The following RIC3 variants were observed in gnomAD, a reference collection of about 807,000 sequenced individuals.
RIC3 encodes RIC3 acetylcholine receptor chaperone.
A neutral mutation model predicts 27.3 loss-of-function variants in RIC3; 28 were observed. That is an observed-to-expected ratio of 1.02 (90% CI 0.76 to 1.41). RIC3 has a LOEUF of 1.41. RIC3 is among the 40% of genes most tolerant of loss of function. The pLI is 0.00. For missense variants in RIC3, 501 were observed against 444.7 expected (o/e 1.13, Z -1.14); for synonymous variants, 184 against 160.4 (o/e 1.15, Z -1.11).
At chr11:8,093,155 C>A in the RIC3 span, among the ~76,000 whole-genome samples, 1 of 151,994 alleles carries the variant, frequency 6.6e-6, no homozygotes, top group Admixed American at 6.5e-5. Flanking sequence ...GATGACAACA[C>A]CTGCTCTGAC....
At chr11:8,124,288 C>A (rs1264951972) in intron 5 of RIC3, among the ~76,000 whole-genome samples, 3 of 152,070 alleles carry the variant, frequency 2.0e-5, no homozygotes, top group African/African-American at 7.2e-5. Flanking sequence ...GAAATCAAAA[C>A]CAAAGAAATT....
chr11:8,163,044 C>T (rs1477602098), intron 1 of RIC3, among the ~76,000 whole-genome samples: 3 of 139,712 alleles, frequency 2.1e-5, no homozygotes, highest in Admixed American at 7.1e-5. Context: ...CACACACACA[C>T]ACACACATAC....
chr11:8,094,201 T>C, the RIC3 span: 7 of 1,606,638 alleles, frequency 4.4e-6, 1 homozygote, highest in South Asian at 7.8e-5. Context: ...TCAGCTCACA[T>C]TCTCTACAGC....
intron 5 of RIC3, among the ~76,000 whole-genome samples, chr11:8,119,683 A>T (rs1286852904): frequency 6.6e-6 from 1 of 152,224 alleles, no homozygotes; most frequent in East Asian, 1.9e-4. Context: ...ACAAAAGCCA[A>T]AACAGACAAA....
intron 4 of RIC3, among the ~76,000 whole-genome samples, chr11:8,130,795 A>C (rs1947597155): frequency 6.6e-6 from 1 of 152,206 alleles, no homozygotes; most frequent in Admixed American, 6.5e-5. Context: ...AGGCAAACGA[A>C]AAAGTATATG....
intron 4 of RIC3, among the ~76,000 whole-genome samples, chr11:8,129,384 T>C (rs1406067958): frequency 6.6e-6 from 1 of 152,136 alleles, no homozygotes; most frequent in Admixed American, 6.6e-5. Context: ...GATGTCCTAA[T>C]GCTACTATTA....
chr11:8,095,631 C>G, the RIC3 span: 1 of 1,608,444 alleles, frequency 6.2e-7, no homozygotes, highest in Admixed American at 1.7e-5. Context: ...AACGGCCCAG[C>G]GGGCAGGATC....
chr11:8,116,220 T>C (rs1945851008), intron 5 of RIC3, among the ~76,000 whole-genome samples: 2 of 152,100 alleles, frequency 1.3e-5, no homozygotes, highest in Non-Finnish European at 2.9e-5. Context: ...AAACTAGATA[T>C]CCACATGCAA....
rs1010298342 is a variant in RIC3 at position 8,107,444 on chromosome 11, A to T, written c.*3254T>A. On this transcript the variant is annotated 3_prime_UTR_variant, in exon 6 of 6. Coordinates refer to ENST00000309737, the MANE Select transcript of RIC3 (RefSeq NM_001206671.4). The stretch of plus-strand genomic sequence containing the variant: ...GTTTGTTTAGTCATCAGGTTCAAAA[A>T]TCTTAAATGGCTATAGACAGGGGTG... 6.6e-6 allele frequency: 1 copy of T among 152,240 alleles called. No individual in the cohort carries two copies. 9.4% of individuals were successfully genotyped at this position (152,240 alleles called of 1,614,324 possible).
chr11:8,117,014 C>A (rs909326994), intron 5 of RIC3, among the ~76,000 whole-genome samples: 2 of 152,224 alleles, frequency 1.3e-5, no homozygotes, highest in Admixed American at 6.5e-5. Context: ...ATCTGAACAT[C>A]CATGAATGGA....
At chr11:8,097,626 C>A in the RIC3 span, 3 of 1,345,312 alleles carry the variant, frequency 2.2e-6, no homozygotes, top group Non-Finnish European at 3.1e-6. Context: ...GGAGCTGACG[C>A]AACGGAGAGA....
At chr11:8,100,632 C>T in the RIC3 span, 17 of 1,599,124 alleles carry the variant, frequency 1.1e-5, no homozygotes, top group Admixed American at 5.0e-5. Flanking sequence ...CCCCTCTTTC[C>T]CCATCATCCT....
intron 1 of RIC3, among the ~76,000 whole-genome samples, chr11:8,165,642 A>T (rs928170155): frequency 1.3e-5 from 2 of 151,766 alleles, no homozygotes; most frequent in African/African-American, 4.8e-5. Context: ...ATATGCTGAA[A>T]CCCAATAAAT....
intron 1 of RIC3, among the ~76,000 whole-genome samples, chr11:8,160,756 T>C (rs954277177): frequency 6.6e-5 from 10 of 152,200 alleles, no homozygotes; most frequent in Non-Finnish European, 1.3e-4. Context: ...ATGCTGTTAT[T>C]TGCAGTTCTA....
At chr11:8,113,042 C>G (rs1237556470) in intron 5 of RIC3, among the ~76,000 whole-genome samples, 1 of 152,194 alleles carries the variant, frequency 6.6e-6, no homozygotes, top group African/African-American at 2.4e-5. Flanking sequence ...CACCAGCACT[C>G]ACAGTAGTAT....
rs1944650405 is a variant in RIC3 at position 8,106,343 on chromosome 11, T to A, written c.*4355A>T. On this transcript the variant is annotated 3_prime_UTR_variant, in exon 6 of 6. Transcript: ENST00000309737. ...TTGTTTCCTAGGAGCCTCAGGTGGG[T>A]AAGTAGGTGATAATAGCAAAGAGAT... 1 of 152,164 alleles carries A rather than the reference T, an allele frequency of 6.6e-6. No individual in the cohort carries two copies. The highest frequency in any genetic ancestry group is 1.5e-5 in the Non-Finnish European group (1 of 68,046). The allele number at this position is 152,164 out of a possible 1,614,324, so 9.4% of individuals were successfully genotyped here. A position where few individuals can be genotyped will look rare whatever the true frequency, so the allele number is the denominator to read the frequency against.
intron 1 of RIC3, among the ~76,000 whole-genome samples, chr11:8,161,179 G>A (rs777868288): frequency 2.0e-5 from 3 of 152,160 alleles, no homozygotes; most frequent in Non-Finnish European, 4.4e-5. Context: ...CGTAAGATAC[G>A]GTGAACATAG....
chr11:8,123,632 C>A (rs890263713), intron 5 of RIC3, among the ~76,000 whole-genome samples: 5 of 152,054 alleles, frequency 3.3e-5, no homozygotes, highest in Non-Finnish European at 5.9e-5. Flanking sequence ...TATGGATGAA[C>A]TATGTAAATT....
intron 1 of RIC3, among the ~76,000 whole-genome samples, chr11:8,157,022 G>A (rs1470728430): frequency 6.6e-6 from 1 of 152,120 alleles, no homozygotes; most frequent in Non-Finnish European, 1.5e-5. Context: ...TATCAACTAG[G>A]CATTAATACT....
Sources: allele counts gnomAD v4.1 joint callset (sites outside exome capture counted in the v4.1 genomes callset), GRCh38; gene constraint gnomAD v4.1.1; transcripts MANE v1.5; gene names NCBI Gene and HGNC (gene_info 2026-07-23, HGNC 2026-07-21).